MAGI2: variants seen among roughly 807,000 people sequenced by gnomAD.
MAGI2 encodes membrane-associated guanylate kinase, WW and PDZ domain-containing protein 2.
MAGI2 carries 35 observed loss-of-function variants against 133.3 expected under a neutral mutation model. The observed-to-expected ratio is 0.26, with a 90% confidence interval of 0.20 to 0.35. The LOEUF is 0.35. Among genes scored for constraint, MAGI2 ranks in the 10% least tolerant of loss-of-function variants. The probability of loss-of-function intolerance (pLI) is 1.00; values close to 1 mark genes in which losing one functional copy is unlikely to be tolerated. For synonymous variants in MAGI2, 729 were observed against 710.6 expected, an observed-to-expected ratio of 1.03 and a Z score of -0.41; for missense variants, 1,636 against 1,863.4, an observed-to-expected ratio of 0.88 and a Z score of 2.25.
chr7:78,298,696 G>T (rs959412869), intron 9 of MAGI2, among the ~76,000 whole-genome samples: 5 of 151,870 alleles, frequency 3.3e-5, no homozygotes, highest in Non-Finnish European at 7.4e-5. Flanking sequence ...TATAGATGGG[G>T]TCTTGCCATG....
chr7:78,340,964 A>G (rs555923488), intron 9 of MAGI2, among the ~76,000 whole-genome samples: 1 of 152,170 alleles, frequency 6.6e-6, no homozygotes. Context: ...TGGGGCAATC[A>G]GGCAAAAGAA....
chr7:79,129,676 C>A (rs1042293740), intron 1 of MAGI2, among the ~76,000 whole-genome samples: 1 of 150,904 alleles, frequency 6.6e-6, no homozygotes, highest in African/African-American at 2.5e-5. Context: ...GAAAATAAGT[C>A]TCACTGCTTT....
At chr7:79,296,577 C>T (rs1047641696) in intron 1 of MAGI2, among the ~76,000 whole-genome samples, 1 of 152,054 alleles carries the variant, frequency 6.6e-6, no homozygotes, top group African/African-American at 2.4e-5. Context: ...GTAAAATAAG[C>T]CAGGCACAAA....
intron 13 of MAGI2, among the ~76,000 whole-genome samples, chr7:78,179,948 T>C (rs1827030757): frequency 6.6e-6 from 1 of 152,116 alleles, no homozygotes; most frequent in Admixed American, 6.6e-5. Flanking sequence ...GGAGTAGAGC[T>C]CTACAAAATC....
chr7:78,523,810 T>C (rs1437964344), intron 3 of MAGI2, among the ~76,000 whole-genome samples: 1 of 152,012 alleles, frequency 6.6e-6, no homozygotes, highest in Non-Finnish European at 1.5e-5. Context: ...ATTATGGGGA[T>C]TACAATTCAA....
At chr7:78,749,398 T>G (rs1472449779) in intron 2 of MAGI2, among the ~76,000 whole-genome samples, 1 of 152,100 alleles carries the variant, frequency 6.6e-6, no homozygotes, top group Non-Finnish European at 1.5e-5. Flanking sequence ...GCAAGATAAA[T>G]GTAATTAGTA....
chr7:78,339,383 T>C (rs1039016412), intron 9 of MAGI2, among the ~76,000 whole-genome samples: 2 of 152,224 alleles, frequency 1.3e-5, no homozygotes, highest in Admixed American at 6.5e-5. Flanking sequence ...TGAATAAAGC[T>C]AACTTAGACT....
At chr7:78,415,353 A>G (rs991731296) in intron 6 of MAGI2, among the ~76,000 whole-genome samples, 29 of 152,038 alleles carry the variant, frequency 1.9e-4, no homozygotes, top group African/African-American at 6.8e-4. Flanking sequence ...AGTCTCCAAA[A>G]TTGGGTAGTG....
intron 1 of MAGI2, among the ~76,000 whole-genome samples, chr7:79,048,478 A>G (rs999248386): frequency 2.0e-5 from 3 of 152,320 alleles, no homozygotes; most frequent in East Asian, 1.9e-4. Context: ...CCTTTTTACT[A>G]CAAGTCTTAC....
At chr7:79,003,181 T>A (rs1245947757) in intron 2 of MAGI2, among the ~76,000 whole-genome samples, 1 of 152,004 alleles carries the variant, frequency 6.6e-6, no homozygotes, top group African/African-American at 2.4e-5. Flanking sequence ...AGTATATGTA[T>A]ATGTGTGTAT....
chr7:78,762,936 G>C (rs1824657966), intron 2 of MAGI2, among the ~76,000 whole-genome samples: 3 of 152,146 alleles, frequency 2.0e-5, no homozygotes, highest in Admixed American at 1.3e-4. Context: ...GGCTAGAATG[G>C]TTGTTGAGAC....
intron 2 of MAGI2, among the ~76,000 whole-genome samples, chr7:78,723,741 A>G (rs941539918): frequency 3.9e-5 from 6 of 152,162 alleles, no homozygotes; most frequent in Admixed American, 3.3e-4. Context: ...GAATGTCAAA[A>G]CCAGGGAGTA....
At chr7:78,298,704 A>G (rs1296139896) in intron 9 of MAGI2, among the ~76,000 whole-genome samples, 1 of 150,548 alleles carries the variant, frequency 6.6e-6, no homozygotes, top group Non-Finnish European at 1.5e-5. Context: ...GGGTCTTGCC[A>G]TGTTGCCCAG....
chr7:78,804,885 TG>T (rs1209195144), intron 2 of MAGI2, among the ~76,000 whole-genome samples: 2 of 150,464 alleles, frequency 1.3e-5, no homozygotes, highest in African/African-American at 4.9e-5. Context: ...CTGGCCAACA[TG>T]GCAAAACCCC....
chr7:79,380,223 G>A (rs1843683596), intron 1 of MAGI2, among the ~76,000 whole-genome samples: 2 of 151,728 alleles, frequency 1.3e-5, no homozygotes, highest in Non-Finnish European at 2.9e-5. Flanking sequence ...CTACAGAATG[G>A]GAGAAAATTT....
In MAGI2 at chr7:79,103,523, G is replaced by C. The variant is rs557413733; in HGVS notation, c.302-96317C>G. Among the ~76,000 whole-genome samples, 12 of 152,018 alleles carry C rather than the reference G, an allele frequency of 7.9e-5. No homozygotes were observed. The South Asian group carries it at 2.3e-3, about 29-fold the overall frequency. On this transcript the variant is annotated intron_variant, in intron 1 of 21. Transcript: ENST00000354212. ...ATAATAAAAATTATTATTGAAAAAG[G>C]GGTCATAAGGTGATGAAGATACATA...
Position 78,982,240 on chromosome 7 carries a change from C to G in MAGI2, c.418+24850G>C, listed in dbSNP as rs184010308. 1.4e-3 allele frequency among the ~76,000 whole-genome samples: 220 copies of G among 151,942 alleles called. 1 individual carries two copies. Among genetic ancestry groups the G allele is most frequent in the Middle Eastern group, 3.4e-3 (1 of 294 alleles). ...ATTACTGTTAAAAATTATATTTTAA[C>G]TAGCAATTAAAAAATTGTCATTAAA... is the stretch of plus-strand genomic sequence containing the variant. On this transcript the variant is annotated intron_variant, in intron 2 of 21. Transcript: ENST00000354212.
chr7:79,158,399 C>T (rs1274341110), intron 1 of MAGI2, among the ~76,000 whole-genome samples: 12 of 152,106 alleles, frequency 7.9e-5, no homozygotes, highest in East Asian at 1.9e-4. Context: ...TCCAAGTTCA[C>T]GTGACTTAAG....
At chr7:79,093,451 T>A (rs1402995755) in intron 1 of MAGI2, among the ~76,000 whole-genome samples, 1 of 151,750 alleles carries the variant, frequency 6.6e-6, no homozygotes, top group Non-Finnish European at 1.5e-5. Context: ...CCAGTGTATA[T>A]AAAAGTTATA....
Sources: allele counts gnomAD v4.1 joint callset (sites outside exome capture counted in the v4.1 genomes callset), GRCh38; gene constraint gnomAD v4.1.1; transcripts MANE v1.5; gene names NCBI Gene and HGNC (gene_info 2026-07-23, HGNC 2026-07-21).